The following RBFOX1 variants were observed in gnomAD, a reference collection of about 807,000 sequenced individuals.
RBFOX1 encodes the protein RNA binding fox-1 homolog 1.
Under a neutral mutation model 57.7 loss-of-function variants are expected in RBFOX1, and 8 were observed. The ratio of observed to expected loss-of-function variants is 0.14; its 90% CI spans 0.08 to 0.25. RBFOX1 has a LOEUF of 0.25. Among genes scored for constraint, RBFOX1 ranks in the 10% least tolerant of loss-of-function variants. RBFOX1 has a pLI of 1.00. For missense variants in RBFOX1, 611 were observed against 548.5 expected, an observed-to-expected ratio of 1.11 and a Z score of -1.14; for synonymous variants, 326 against 222.4, an observed-to-expected ratio of 1.47 and a Z score of -4.15.
intron 4 of RBFOX1, among the ~76,000 whole-genome samples, chr16:7,484,741 G>A (rs745848126): frequency 2.0e-5 from 3 of 152,210 alleles, no homozygotes; most frequent in Non-Finnish European, 2.9e-5. Flanking sequence ...TGGGATGACA[G>A]GCATAAGCCA....
At position 5,978,128 on chromosome 16, in the gene RBFOX1, CAAAAAAAAAAAAAAAA is replaced by C. The variant is rs140908065; in HGVS notation, c.351+110811_351+110826del. ...ATCCTAGGGAGAATCCTGTCTCTTC[CAAAAAAAAAAAAAAAA>C]AAAAAAAAAAAAAAAAAGCAAGAGC... On this transcript the variant is annotated intron_variant, in intron 4 of 19. Transcript: ENST00000641259. Among the ~76,000 whole-genome samples, 48 of 31,526 alleles carry C rather than the reference CAAAAAAAAAAAAAAAA, an allele frequency of 1.5e-3. 2 individuals are homozygous for C. Among genetic ancestry groups the C allele is most frequent in the South Asian group, 6.1e-3 (4 of 656 alleles). 20.7% of individuals were successfully genotyped at this position (31,526 alleles called of 152,430 possible). A position where few individuals can be genotyped will look rare whatever the true frequency, so the allele number is the denominator to read the frequency against.
At chr16:6,603,156 C>T (rs1459894412) in intron 2 of RBFOX1, among the ~76,000 whole-genome samples, 1 of 152,090 alleles carries the variant, frequency 6.6e-6, no homozygotes, top group Non-Finnish European at 1.5e-5. Flanking sequence ...AAAGAGAGAC[C>T]ACAGAAAGAT....
At chr16:7,435,133 C>A (rs1481244326) in intron 4 of RBFOX1, among the ~76,000 whole-genome samples, 1 of 151,416 alleles carries the variant, frequency 6.6e-6, no homozygotes, top group Non-Finnish European at 1.5e-5. Flanking sequence ...TAGTTTTTAC[C>A]TCGTTCTTTT....
At chr16:7,084,447 C>T (rs2059678250) in intron 4 of RBFOX1, among the ~76,000 whole-genome samples, 1 of 152,120 alleles carries the variant, frequency 6.6e-6, no homozygotes, top group Non-Finnish European at 1.5e-5. Flanking sequence ...TTGCATGGAC[C>T]TAGTAATGTC....
At chr16:7,050,902 G>C (rs964943289) in intron 3 of RBFOX1, among the ~76,000 whole-genome samples, 4 of 152,006 alleles carry the variant, frequency 2.6e-5, no homozygotes, top group African/African-American at 9.7e-5. Flanking sequence ...CTGGGTAAAA[G>C]GGCATAGAAA....
chr16:6,832,865 T>C (rs540184447), intron 3 of RBFOX1, among the ~76,000 whole-genome samples: 8 of 152,358 alleles, frequency 5.3e-5, no homozygotes, highest in African/African-American at 1.7e-4. Context: ...TCAAAGCCTG[T>C]GCTAGACCTT....
At chr16:6,988,795 T>C (rs1317273875) in intron 3 of RBFOX1, among the ~76,000 whole-genome samples, 1 of 150,766 alleles carries the variant, frequency 6.6e-6, no homozygotes, top group African/African-American at 2.5e-5. Flanking sequence ...GTTTTTAAGA[T>C]GGAGTCTTGC....
intron 4 of RBFOX1, among the ~76,000 whole-genome samples, chr16:6,006,850 T>C (rs78823396): frequency 0.012 from 1,875 of 152,294 alleles, 46 homozygotes; most frequent in African/African-American, 0.043. Context: ...GAGAGTTTAA[T>C]TGGGCATATG....
Position 7,034,015 on chromosome 16 carries a change from G to T in RBFOX1, c.-15-18042G>T, listed in dbSNP as rs77983808. 6.8e-3 allele frequency among the ~76,000 whole-genome samples: 1,033 copies of T among 152,316 alleles called. 12 individuals carry two copies. Among genetic ancestry groups the T allele is most frequent in the African/African-American group, 0.024 (979 of 41,564 alleles). ...AAAGGCATTTAATTCAATACTTAGT[G>T]AATACTTGGATTTCTCTCCATTGCG... On this transcript the variant is annotated intron_variant, in intron 3 of 15. Transcript: ENST00000550418.
At chr16:7,239,879 G>A (rs754116917) in intron 4 of RBFOX1, among the ~76,000 whole-genome samples, 11 of 135,470 alleles carry the variant, frequency 8.1e-5, no homozygotes, top group African/African-American at 1.8e-4. Context: ...CATAGAGTTC[G>A]TTGTGCTAAA....
At chr16:6,552,134 G>T (rs375232511) in intron 2 of RBFOX1, among the ~76,000 whole-genome samples, 2 of 152,140 alleles carry the variant, frequency 1.3e-5, no homozygotes, top group African/African-American at 4.8e-5. Flanking sequence ...GTTCTTGTGT[G>T]TGGCTAAGCT....
chr16:6,680,097 C>T (rs12917916), intron 3 of RBFOX1, among the ~76,000 whole-genome samples: 41,401 of 151,386 alleles, frequency 0.27, 6,225 homozygotes, highest in African/African-American at 0.4. Flanking sequence ...CTTGGAACTT[C>T]AGTTTTCTCA....
intron 1 of RBFOX1, among the ~76,000 whole-genome samples, chr16:6,228,509 C>G (rs1419104898): frequency 6.6e-6 from 1 of 151,960 alleles, no homozygotes; most frequent in African/African-American, 2.4e-5. Flanking sequence ...CTGCCCTTTG[C>G]AACAATATGG....
In RBFOX1 at chr16:6,251,773, G is replaced by A. The variant is rs185090301; in HGVS notation, c.-126-65222G>A. 4.3e-4 allele frequency among the ~76,000 whole-genome samples: 65 copies of A among 152,092 alleles called. No individual in the cohort carries two copies. In the East Asian group the frequency reaches 8.2e-3, roughly 19 times the overall value. ...TCCTCTTCATGCTGCCCCTAATGAC[G>A]TAGCTGGAGTCACTTCACTTCGGGA... On this transcript the variant is annotated intron_variant, in intron 1 of 15. Coordinates refer to ENST00000550418, the MANE Select transcript of RBFOX1 (RefSeq NM_018723.4).
intron 2 of RBFOX1, among the ~76,000 whole-genome samples, chr16:5,595,323 G>A (rs115436429): frequency 6.6e-6 from 1 of 152,168 alleles, no homozygotes. Context: ...CTCTGCCTGG[G>A]TCACTGTCTT....
intron 1 of RBFOX1, among the ~76,000 whole-genome samples, chr16:6,303,584 G>A (rs147388396): frequency 1.4e-4 from 21 of 151,840 alleles, no homozygotes; most frequent in Non-Finnish European, 2.2e-4. Context: ...TTCCTTCTCC[G>A]CTCTGGTCCA....
In RBFOX1 at chr16:6,457,438, T is replaced by TCCCCC. The variant is rs60318595; in HGVS notation, c.-64+140387_-64+140391dup. 2.1e-3 allele frequency among the ~76,000 whole-genome samples: 114 copies of TCCCCC among 54,124 alleles called. 9 individuals carry two copies. The highest frequency in any genetic ancestry group is 3.1e-3 in the Non-Finnish European group (79 of 25,804). 35.5% of individuals were successfully genotyped at this position (54,124 alleles called of 152,430 possible). A position where few individuals can be genotyped will look rare whatever the true frequency, so the allele number is the denominator to read the frequency against. ...TCTGGTGACTGTGAATTTCCGGAAG[T>TCCCCC]CCCCCCCCCCGCAATAGCTTTGATT... On this transcript the variant is annotated intron_variant, in intron 2 of 15. Transcript: ENST00000550418.
rs2097440963 is a variant in RBFOX1, at chr16:6,576,598, G to C, written c.-63-78005G>C. 2.6e-5 allele frequency among the ~76,000 whole-genome samples: 4 copies of C among 152,070 alleles called. No homozygotes were observed. In the South Asian group the frequency reaches 8.3e-4, roughly 32 times the overall value. On this transcript the variant is annotated intron_variant, in intron 2 of 15. Transcript: ENST00000550418. The stretch of plus-strand genomic sequence containing the variant: ...TTACTGAGTCCTCTGAACCTTCTTT[G>C]AACTCCAACTGGGAGGAAATAACAG...
chr16:7,303,445 T>C (rs2096080758), intron 4 of RBFOX1, among the ~76,000 whole-genome samples: 1 of 152,262 alleles, frequency 6.6e-6, no homozygotes, highest in Non-Finnish European at 1.5e-5. Flanking sequence ...GGGTCCCAGC[T>C]GGGCCATCGC....
Sources: allele counts gnomAD v4.1 joint callset (sites outside exome capture counted in the v4.1 genomes callset), GRCh38; gene constraint gnomAD v4.1.1; transcripts MANE v1.5; gene names NCBI Gene and HGNC (gene_info 2026-07-23, HGNC 2026-07-21).